The following TOX variants were observed in gnomAD, a reference collection of about 807,000 sequenced individuals.
The protein encoded by TOX is thymocyte selection-associated high mobility group box protein TOX.
In TOX, 11 loss-of-function variants were observed where a neutral mutation model predicts 53.7. The ratio of observed to expected loss-of-function variants is 0.20; its 90% CI spans 0.13 to 0.34. The LOEUF is 0.34. TOX is among the 10% of genes least tolerant of loss of function. The pLI is 1.00. For missense variants in TOX, 570 were observed against 664.6 expected, an observed-to-expected ratio of 0.86 and a Z score of 1.56; for synonymous variants, 225 against 245.3, an observed-to-expected ratio of 0.92 and a Z score of 0.77.
At position 58,851,014 on chromosome 8, in the gene TOX, A is replaced by G. The variant is rs951337019; in HGVS notation, c.693+510T>C. ...CAACTATATTGGTAAGGCGTTAACAAAAGGTATGCAATGAATCACCCAGGA... is the reference window on the plus strand; with the variant it reads ...CAACTATATTGGTAAGGCGTTAACAGAAGGTATGCAATGAATCACCCAGGA... On this transcript the variant is annotated intron_variant, in intron 4 of 8. Coordinates refer to ENST00000361421, the MANE Select transcript of TOX (RefSeq NM_014729.3). The surrounding 1 kb of genome is among the most constrained non-coding windows in gnomAD (Gnocchi z 4.4). Among the ~76,000 whole-genome samples, 7 of 152,214 alleles carry G rather than the reference A, an allele frequency of 4.6e-5. No homozygotes were observed. The highest frequency in any genetic ancestry group is 1.0e-4 in the Non-Finnish European group (7 of 68,028).
chr8:58,960,319 G>A (rs1033175347), intron 1 of TOX, among the ~76,000 whole-genome samples: 5 of 152,036 alleles, frequency 3.3e-5, no homozygotes, highest in East Asian at 1.9e-4. Flanking sequence ...CATTTTGCAC[G>A]CCATGTATAC....
chr8:58,968,168 T>C (rs1163918675), intron 1 of TOX, among the ~76,000 whole-genome samples: 1 of 152,220 alleles, frequency 6.6e-6, no homozygotes, highest in Non-Finnish European at 1.5e-5. Flanking sequence ...TTTCATTATA[T>C]ATTGTTTAAG....
At chr8:59,027,499 G>C (rs1446492853) in intron 1 of TOX, among the ~76,000 whole-genome samples, 1 of 151,616 alleles carries the variant, frequency 6.6e-6, no homozygotes, top group South Asian at 2.1e-4. Context: ...ACATGAAAAT[G>C]TTTTCTTTTT....
chr8:59,059,249 C>T (rs747888823), intron 1 of TOX, among the ~76,000 whole-genome samples: 5 of 152,162 alleles, frequency 3.3e-5, no homozygotes, highest in African/African-American at 7.2e-5. Flanking sequence ...CCTTCCTTCA[C>T]ATCACCAAAA....
chr8:59,024,135 T>A (rs1044125457), intron 1 of TOX, among the ~76,000 whole-genome samples: 1 of 152,196 alleles, frequency 6.6e-6, no homozygotes, highest in Non-Finnish European at 1.5e-5. Context: ...ATTATAAACT[T>A]CTTGATGGCA....
At chr8:59,049,768 G>C (rs968135095) in intron 1 of TOX, among the ~76,000 whole-genome samples, 1 of 152,150 alleles carries the variant, frequency 6.6e-6, no homozygotes, top group African/African-American at 2.4e-5. Flanking sequence ...ATGAACTCCT[G>C]AGTTAAACCA....
chr8:59,103,509 G>A (rs1223073001), intron 1 of TOX, among the ~76,000 whole-genome samples: 2 of 152,176 alleles, frequency 1.3e-5, no homozygotes, highest in Non-Finnish European at 2.9e-5. Flanking sequence ...ATAGACATGA[G>A]TGTGTTGTAG....
chr8:58,924,137 A>T (rs16924229), intron 3 of TOX, among the ~76,000 whole-genome samples: 2,926 of 152,346 alleles, frequency 0.019, 104 homozygotes, highest in African/African-American at 0.066. Flanking sequence ...ATAGAAAATG[A>T]TATGCAGAAT....
chr8:58,951,739 C>A (rs1325905621), intron 2 of TOX, among the ~76,000 whole-genome samples: 1 of 152,172 alleles, frequency 6.6e-6, no homozygotes, highest in Non-Finnish European at 1.5e-5. Flanking sequence ...ACCATCGGAA[C>A]CCTTGGGAAT....
At chr8:58,906,871 C>T (rs576720247) in intron 3 of TOX, among the ~76,000 whole-genome samples, 24 of 152,326 alleles carry the variant, frequency 1.6e-4, no homozygotes, top group African/African-American at 5.3e-4. Context: ...TTATGTCCCT[C>T]TCTCTCCTGG....
At chr8:58,808,290 G>T in intron 7 of TOX, 21 bp from the exon 8 acceptor site, 3 of 1,591,206 alleles carry the variant, frequency 1.9e-6, no homozygotes, top group South Asian at 2.3e-5. Flanking sequence ...AAGCAAGTCC[G>T]CAAATAAGGA....
chr8:58,844,875 C>T (rs1489075001), intron 4 of TOX, among the ~76,000 whole-genome samples: 1 of 152,020 alleles, frequency 6.6e-6, no homozygotes, highest in African/African-American at 2.4e-5. Flanking sequence ...GTAACTTACT[C>T]GTAAGACATA....
At chr8:58,839,320 A>G (rs1361784859) in intron 4 of TOX, among the ~76,000 whole-genome samples, 1 of 152,252 alleles carries the variant, frequency 6.6e-6, no homozygotes, top group Admixed American at 6.5e-5. Context: ...AAATAGCTAC[A>G]TATGACTAAT....
At chr8:58,927,118 A>G (rs1812176394) in intron 3 of TOX, among the ~76,000 whole-genome samples, 1 of 151,904 alleles carries the variant, frequency 6.6e-6, no homozygotes, top group Non-Finnish European at 1.5e-5. Flanking sequence ...AAAGTCACCC[A>G]GCCAGGATTT....
At chr8:58,865,246 C>T (rs746852387) in intron 3 of TOX, among the ~76,000 whole-genome samples, 1 of 152,110 alleles carries the variant, frequency 6.6e-6, no homozygotes, top group Non-Finnish European at 1.5e-5. Flanking sequence ...ATTATAATGA[C>T]TCTGGTGTGG....
intron 2 of TOX, among the ~76,000 whole-genome samples, chr8:58,953,959 T>C (rs920940665): frequency 6.6e-6 from 1 of 152,122 alleles, no homozygotes; most frequent in African/African-American, 2.4e-5. Flanking sequence ...TAGGAAAACA[T>C]GAAATTAAAC....
At chr8:58,902,676 CT>C (rs1811751143) in intron 3 of TOX, among the ~76,000 whole-genome samples, 1 of 152,186 alleles carries the variant, frequency 6.6e-6, no homozygotes, top group Non-Finnish European at 1.5e-5. Flanking sequence ...ATAAATCTTT[CT>C]GTTTCTGGTC....
At chr8:58,828,480 T>C (rs1810399385) in intron 5 of TOX, among the ~76,000 whole-genome samples, 1 of 151,908 alleles carries the variant, frequency 6.6e-6, no homozygotes, top group Non-Finnish European at 1.5e-5. Context: ...AAAACTATAT[T>C]TCAGAGTTTT....
At chr8:59,070,506 AACACACACACACACAC>A (rs371344375) in intron 1 of TOX, among the ~76,000 whole-genome samples, 12 of 140,228 alleles carry the variant, frequency 8.6e-5, no homozygotes, top group Middle Eastern at 7.4e-3. Context: ...TGTCAAGGAA[AACACACACACACACAC>A]ACACACACAC....
Sources: allele counts gnomAD v4.1 joint callset (sites outside exome capture counted in the v4.1 genomes callset), GRCh38; gene constraint gnomAD v4.1.1; non-coding constraint Gnocchi (gnomAD v3.1); transcripts MANE v1.5; gene names NCBI Gene and HGNC (gene_info 2026-07-23, HGNC 2026-07-21).